The following ZC3H4 variants were observed in gnomAD, a reference collection of about 807,000 sequenced individuals.
The protein encoded by ZC3H4 is zinc finger CCCH domain-containing protein 4.
A neutral mutation model predicts 108.3 loss-of-function variants in ZC3H4; 13 were observed. The ratio of observed to expected loss-of-function variants is 0.12; its 90% CI spans 0.08 to 0.19. ZC3H4 has a LOEUF of 0.19. Among genes scored for constraint, ZC3H4 ranks in the 10% least tolerant of loss-of-function variants. The probability of loss-of-function intolerance (pLI) is 1.00; values close to 1 mark genes in which losing one functional copy is unlikely to be tolerated. For missense variants in ZC3H4, 1,734 were observed against 1,838.8 expected (o/e 0.94, Z 1.04); for synonymous variants, 917 against 749.6 (o/e 1.22, Z -3.65).
chr19:47,089,470 C>A (rs533358365), intron 5 of ZC3H4, among the ~76,000 whole-genome samples: 1 of 152,286 alleles, frequency 6.6e-6, no homozygotes, highest in South Asian at 2.1e-4. Context: ...GGCCACTGCG[C>A]CGGCAGAGAT....
chr19:47,112,572 G>T lies in ZC3H4; in HGVS notation c.13C>A (p.Pro5Thr). The T allele has an allele frequency of 8.7e-7, 1 of 1,153,064 alleles. No homozygotes were observed. Among genetic ancestry groups the T allele is most frequent in the Non-Finnish European group, 1.1e-6 (1 of 912,266 alleles). 71.4% of individuals were successfully genotyped at this position (1,153,064 alleles called of 1,614,324 possible). A position where few individuals can be genotyped will look rare whatever the true frequency, so the allele number is the denominator to read the frequency against. The stretch of plus-strand genomic sequence containing the variant: ...GATGGCGGCGGCGGGGGGGTCCCGG[G>T]CGCGGCCTCCATAGTTCCTTTGGGG... Reference protein sequence around the residue: MEAAPGTPPPPPSES... With the variant: MEAATGTPPPPPSES... The change falls in exon 2 of 15, where the codon CCC (proline) becomes ACC (threonine). Residue 5 changes from proline to threonine, a missense_variant. Physicochemically the swap from Pro to Thr is conservative, Grantham distance 38 (BLOSUM62 -1). This residue lies in a region of ZC3H4 where 112 missense variants were observed against 73.3 expected (regional missense o/e 1.53). Coordinates refer to ENST00000253048, the MANE Select transcript of ZC3H4 (RefSeq NM_015168.2).
At chr19:47,102,607 C>T (rs1023849676) in intron 2 of ZC3H4, among the ~76,000 whole-genome samples, 3 of 152,028 alleles carry the variant, frequency 2.0e-5, no homozygotes, top group Non-Finnish European at 2.9e-5. Context: ...AGGAACCTTG[C>T]CCAGAATAAA....
chr19:47,087,244 C>G (rs1259411623), intron 5 of ZC3H4, among the ~76,000 whole-genome samples: 1 of 151,484 alleles, frequency 6.6e-6, no homozygotes, highest in African/African-American at 2.4e-5. Flanking sequence ...CCACTGCACT[C>G]CAGCTTGGGC....
Position 47,067,864 on chromosome 19 carries a change from T to C in ZC3H4, c.2404A>G (p.Thr802Ala), listed in dbSNP as rs2057246797. The change falls in exon 15 of 15, where the codon ACC (threonine) becomes GCC (alanine). Residue 802 changes from threonine (T) to alanine (A), a missense_variant. Thr to Ala is a moderately conservative substitution (Grantham distance 58). Transcript: ENST00000253048. This position sits in a 1 kb window ranked among gnomAD's most constrained non-coding sequence, Gnocchi z 6.4. ...KQDRENEEGD[T>A]GNWYSSDEDE... ...TCATCACTTGAGTACCAGTTTCCGG[T>C]GTCACCTGGGAAAGAACAGAGGAGC... 2 of 1,589,760 alleles carry C rather than the reference T, an allele frequency of 1.3e-6. No individual in the cohort carries two copies. Among genetic ancestry groups the C allele is most frequent in the South Asian group, 2.3e-5 (2 of 87,892 alleles).
intron 11 of ZC3H4, among the ~76,000 whole-genome samples, chr19:47,080,886 G>C (rs907473902): frequency 1.3e-5 from 2 of 152,076 alleles, no homozygotes; most frequent in South Asian, 4.2e-4. Flanking sequence ...GCCCGCCTCA[G>C]ACTCCCACAG....
At chr19:47,111,420 A>C (rs1383712087) in intron 2 of ZC3H4, among the ~76,000 whole-genome samples, 2 of 152,186 alleles carry the variant, frequency 1.3e-5, no homozygotes, top group East Asian at 3.9e-4. Context: ...CCAAAGCACA[A>C]GGAAATCTCC....
intron 11 of ZC3H4, among the ~76,000 whole-genome samples, chr19:47,073,336 G>A (rs1259143357): frequency 6.6e-6 from 1 of 152,132 alleles, no homozygotes; most frequent in Admixed American, 6.6e-5. Flanking sequence ...TTGGCAGGCT[G>A]AGGTGGGCAG....
chr19:47,082,483 A>T (rs1428112943), intron 9 of ZC3H4, among the ~76,000 whole-genome samples, 188 bp from the exon 10 acceptor site: 3 of 152,054 alleles, frequency 2.0e-5, no homozygotes, highest in South Asian at 2.1e-4. Context: ...CTAATTTTTT[A>T]AATATTTTTT....
intron 5 of ZC3H4, among the ~76,000 whole-genome samples, chr19:47,088,930 G>A (rs571172833): frequency 2.7e-4 from 41 of 152,002 alleles, no homozygotes; most frequent in Admixed American, 1.3e-3. Flanking sequence ...CCAATGGGCC[G>A]GGCGCGGTGG....
At chr19:47,111,792 G>A (rs1354285355) in intron 2 of ZC3H4, among the ~76,000 whole-genome samples, 2 of 150,640 alleles carry the variant, frequency 1.3e-5, no homozygotes, top group African/African-American at 4.9e-5. Flanking sequence ...CCAATTACAA[G>A]GATGGAGAAG....
chr19:47,094,501 T>C lies in ZC3H4; in HGVS notation c.269A>G (p.His90Arg). The C allele has an allele frequency of 6.2e-7, 1 of 1,614,244 alleles. No individual in the cohort carries two copies. The highest frequency in any genetic ancestry group is 8.5e-7 in the Non-Finnish European group (1 of 1,180,046). Reference sequence around the variant, plus strand: ...CTTCTCCTCATCCGAATCACTGTGATGCTTCTCCCCCTTTTCTTTCCGGCT... The same window carrying C: ...CTTCTCCTCATCCGAATCACTGTGACGCTTCTCCCCCTTTTCTTTCCGGCT... ...ERSRKEKGEKHHSDSDEEKSH... is the reference protein window; with the variant it reads ...ERSRKEKGEKRHSDSDEEKSH... The change falls in exon 3 of 15, where the codon CAT (histidine) becomes CGT (arginine). Residue 90 changes from histidine to arginine, a missense_variant. Physicochemically the swap from His to Arg is conservative, Grantham distance 29. Coordinates refer to ENST00000253048, the MANE Select transcript of ZC3H4 (RefSeq NM_015168.2).
chr19:47,071,808 C>T lies in ZC3H4; in HGVS notation c.2116G>A (p.Glu706Lys). 6.2e-7 allele frequency: 1 copy of T among 1,613,194 alleles called. No individual in the cohort carries two copies. Among genetic ancestry groups the T allele is most frequent in the Non-Finnish European group, 8.5e-7 (1 of 1,179,774 alleles). ...TCCCCCAGGAGTCCGGGCTCCATCT[C>T]CATGCCCTCCTGCTGCTGGTAGAAG... Reference protein sequence around the residue: ...ENFYQQQEGMEMEPGLLGDAE... With the variant: ...ENFYQQQEGMKMEPGLLGDAE... The change falls in exon 13 of 15, where the codon GAG becomes AAG. Residue 706 changes from glutamate to lysine, a missense_variant. Physicochemically the swap from Glu to Lys is moderately conservative, Grantham distance 56. Transcript: ENST00000253048.
In ZC3H4 at chr19:47,113,759, G is replaced by C. The variant is rs2058068468; in HGVS notation, c.-45C>G. The C allele has an allele frequency of 6.6e-6, 1 of 152,272 alleles. No homozygotes were observed. The highest frequency in any genetic ancestry group is 1.5e-5 in the Non-Finnish European group (1 of 68,058). 9.4% of individuals were successfully genotyped at this position (152,272 alleles called of 1,614,324 possible). On this transcript the variant is annotated 5_prime_UTR_variant, in exon 1 of 15. Coordinates refer to ENST00000253048, the MANE Select transcript of ZC3H4 (RefSeq NM_015168.2). ...CAGGTGCCGAGAGTCGGAGGTTTCC[G>C]GAGAAGCGATGAAGCCCAGCCAGCC...
chr19:47,081,317 CTA>C (rs2057518003), intron 11 of ZC3H4, among the ~76,000 whole-genome samples, 194 bp downstream of exon 11: 1 of 152,188 alleles, frequency 6.6e-6, no homozygotes. Context: ...TTGTCCTGGC[CTA>C]AGACAACACA....
At chr19:47,078,407 C>A (rs973091004) in intron 11 of ZC3H4, among the ~76,000 whole-genome samples, 11 of 151,566 alleles carry the variant, frequency 7.3e-5, no homozygotes, top group Non-Finnish European at 1.6e-4. Context: ...TCGCTTGAAC[C>A]CAGGAGGCGG....
In ZC3H4 at chr19:47,070,861, G is replaced by A. The variant is rs372035503; in HGVS notation, c.2146+917C>T. On this transcript the variant is annotated intron_variant, in intron 13 of 14. Transcript: ENST00000253048. ...CCTGCCCACCTTGCAAAACAAACAC[G>A]GGGCTCCCACTGCCCCACGGCACCG... Among the ~76,000 whole-genome samples, 53 of 152,150 alleles carry A rather than the reference G, an allele frequency of 3.5e-4. No homozygotes were observed. In the East Asian group the frequency reaches 6.2e-3, roughly 18 times the overall value.
intron 2 of ZC3H4, among the ~76,000 whole-genome samples, chr19:47,100,197 G>A (rs754631839): frequency 2.6e-5 from 4 of 152,202 alleles, no homozygotes; most frequent in African/African-American, 9.7e-5. Context: ...AGAAAGGCCC[G>A]AGACCTTCCC....
At chr19:47,112,117 G>T (rs1297820741) in intron 2 of ZC3H4, 1 of 1,068,248 alleles carries the variant, frequency 9.4e-7, no homozygotes, top group Non-Finnish European at 1.1e-6. Flanking sequence ...CAGGCGGACG[G>T]GCGCGGGGGG....
Position 47,067,803 on chromosome 19 carries a change from T to C in ZC3H4, c.2465A>G (p.Lys822Arg). The change falls in exon 15 of 15, where the codon AAG becomes AGG. Residue 822 changes from lysine to arginine, a missense_variant. Transcript: ENST00000253048. This position sits in a 1 kb window ranked among gnomAD's most constrained non-coding sequence, Gnocchi z 6.4. The stretch of plus-strand genomic sequence containing the variant: ...GCTGGACGTCTGCTGCCTCAAGGTC[T>C]TCAGGATGGAGGTGACACTGCTTCC... ...EGGSSVTSIL[K>R]TLRQQTSSRP... The C allele has an allele frequency of 6.2e-7, 1 of 1,609,436 alleles. No homozygotes were observed. The highest frequency in any genetic ancestry group is 1.1e-5 in the South Asian group (1 of 90,252).
Sources: gnomAD v4.1 joint callset for allele counts (sites outside exome capture counted in the v4.1 genomes callset) on GRCh38, gnomAD v4.1.1 for gene constraint, gnomAD v4.1.1 regional missense constraint, Gnocchi (gnomAD v3.1) non-coding constraint, MANE v1.5 for transcripts, NCBI Gene and HGNC (gene_info 2026-07-23, HGNC 2026-07-21) for gene names.